Variants in STX8 observed in about 807,000 individuals in gnomAD.
The protein encoded by STX8 is syntaxin 8.
In STX8, 23 loss-of-function variants were observed where a neutral mutation model predicts 37.5. The ratio of observed to expected loss-of-function variants is 0.61; its 90% CI spans 0.44 to 0.87. The LOEUF is 0.87. STX8 is among the 40% of genes least tolerant of loss of function. The pLI is 0.00. For missense variants in STX8, 313 were observed against 284.7 expected, an observed-to-expected ratio of 1.10 and a Z score of -0.71; for synonymous variants, 115 against 99.1, an observed-to-expected ratio of 1.16 and a Z score of -0.95.
At chr17:9,539,263 A>AGAG (rs34227930) in intron 4 of STX8, among the ~76,000 whole-genome samples, 152,097 of 152,234 alleles carry the variant, frequency 1, 75,980 homozygotes, top group Middle Eastern at 1. Context: ...AGAAGAGAAA[A>AGAG]GAGGGAAAAG....
Position 9,442,795 on chromosome 17 carries a change from G to A in STX8, c.541+49034C>T, listed in dbSNP as rs1356008386. On this transcript the variant is annotated intron_variant, in intron 6 of 7. Transcript: ENST00000306357. ...CCCAAATTACAGCACTGAGGGGCAA[G>A]CATTGTCTCCAGGTGGTATAGATGA... 2.0e-5 allele frequency among the ~76,000 whole-genome samples: 3 copies of A among 152,168 alleles called. No homozygotes were observed. The East Asian group carries it at 5.8e-4, about 29-fold the overall frequency.
At chr17:9,380,122 A>G (rs1402717202) in intron 6 of STX8, among the ~76,000 whole-genome samples, 1 of 152,082 alleles carries the variant, frequency 6.6e-6, no homozygotes, top group Admixed American at 6.6e-5. Context: ...ATCTTTTTAT[A>G]TTTACAAACC....
At chr17:9,478,729 C>A (rs758717587) in intron 6 of STX8, among the ~76,000 whole-genome samples, 1 of 152,188 alleles carries the variant, frequency 6.6e-6, no homozygotes, top group Non-Finnish European at 1.5e-5. Context: ...TGTTTTCCAG[C>A]CACATTATAC....
At chr17:9,541,493 GAGTTTA>G (rs1906276751) in intron 4 of STX8, among the ~76,000 whole-genome samples, 1 of 152,204 alleles carries the variant, frequency 6.6e-6, no homozygotes, top group East Asian at 1.9e-4. Flanking sequence ...AAAGGTCTTA[GAGTTTA>G]CAAAGCCTGT....
At chr17:9,422,213 T>G (rs984090981) in intron 6 of STX8, among the ~76,000 whole-genome samples, 3 of 151,958 alleles carry the variant, frequency 2.0e-5, no homozygotes, top group Admixed American at 6.5e-5. Context: ...CAAGCAATTC[T>G]CCTGCCTCAG....
intron 7 of STX8, among the ~76,000 whole-genome samples, chr17:9,258,816 C>T (rs1263033235): frequency 6.6e-6 from 1 of 152,158 alleles, no homozygotes; most frequent in East Asian, 1.9e-4. Context: ...AGTCTCTGCC[C>T]GCTCCCCTCT....
At chr17:9,543,301 T>TG (rs1053535017) in intron 4 of STX8, among the ~76,000 whole-genome samples, 6 of 23,160 alleles carry the variant, frequency 2.6e-4, no homozygotes, top group East Asian at 0.013. Context: ...AGTTTTTTGG[T>TG]TTTTTTTTTT....
chr17:9,357,062 G>C (rs932091763), intron 7 of STX8, among the ~76,000 whole-genome samples: 10 of 146,266 alleles, frequency 6.8e-5, no homozygotes, highest in African/African-American at 2.5e-4. Context: ...CCGCCTCCCA[G>C]GTTCAAGCAA....
intron 6 of STX8, among the ~76,000 whole-genome samples, chr17:9,427,497 C>T (rs560397694): frequency 2.4e-4 from 37 of 152,220 alleles, no homozygotes; most frequent in African/African-American, 8.2e-4. Flanking sequence ...TGAAAAATAA[C>T]GGGATGAAAA....
chr17:9,321,021 G>C (rs1909558788), intron 7 of STX8, among the ~76,000 whole-genome samples: 1 of 151,438 alleles, frequency 6.6e-6, no homozygotes, highest in Non-Finnish European at 1.5e-5. Flanking sequence ...ATGAAGGGCA[G>C]AGAGACGAGA....
intron 7 of STX8, among the ~76,000 whole-genome samples, chr17:9,274,976 C>T (rs1907619887): frequency 6.6e-6 from 1 of 151,850 alleles, no homozygotes; most frequent in Non-Finnish European, 1.5e-5. Flanking sequence ...GTCTCAGACT[C>T]CTGACCTCAA....
chr17:9,324,765 C>CA (rs534392223), intron 7 of STX8, among the ~76,000 whole-genome samples: 4,833 of 45,412 alleles, frequency 0.11, 456 homozygotes, highest in African/African-American at 0.28. Flanking sequence ...AACTCCATCT[C>CA]AAAAAAAAAA....
intron 3 of STX8, among the ~76,000 whole-genome samples, chr17:9,546,387 T>TAAA (rs56901611): frequency 6.8e-6 from 1 of 146,398 alleles, no homozygotes. Flanking sequence ...AAGTGATGGT[T>TAAA]AAAAAAAAAA....
At chr17:9,480,025 T>C (rs1422640021) in intron 6 of STX8, among the ~76,000 whole-genome samples, 1 of 152,222 alleles carries the variant, frequency 6.6e-6, no homozygotes, top group Non-Finnish European at 1.5e-5. Context: ...TCCTTTTCAA[T>C]CTGTTCAAAT....
intron 6 of STX8, among the ~76,000 whole-genome samples, chr17:9,483,260 T>G (rs1906424279): frequency 6.6e-6 from 1 of 152,008 alleles, no homozygotes. Context: ...CTTGTACCCT[T>G]GGCTCATGGC....
At chr17:9,531,447 T>C (rs931248929) in intron 4 of STX8, among the ~76,000 whole-genome samples, 2 of 152,302 alleles carry the variant, frequency 1.3e-5, no homozygotes, top group East Asian at 3.9e-4. Context: ...GATCTGAGCA[T>C]GGTAAGACCC....
At chr17:9,572,456 C>T (rs1303203046) in intron 1 of STX8, among the ~76,000 whole-genome samples, 1 of 152,202 alleles carries the variant, frequency 6.6e-6, no homozygotes, top group African/African-American at 2.4e-5. Context: ...GTCGCCCAGG[C>T]TGAAGTGCAG....
intron 6 of STX8, among the ~76,000 whole-genome samples, chr17:9,474,864 C>T (rs947274058): frequency 6.6e-6 from 1 of 152,136 alleles, no homozygotes; most frequent in South Asian, 2.1e-4. Context: ...CCCAGCTACT[C>T]GGGAGGCTGA....
intron 3 of STX8, among the ~76,000 whole-genome samples, chr17:9,546,748 C>T (rs1261285194): frequency 6.6e-6 from 1 of 151,082 alleles, no homozygotes; most frequent in African/African-American, 2.4e-5. Flanking sequence ...CAGGCACGTG[C>T]CACCACGCGC....
Sources: gnomAD v4.1 joint callset for allele counts (sites outside exome capture counted in the v4.1 genomes callset) on GRCh38, gnomAD v4.1.1 for gene constraint, MANE v1.5 for transcripts, NCBI Gene and HGNC (gene_info 2026-07-23, HGNC 2026-07-21) for gene names.